Variants in RBFOX1 observed in about 807,000 individuals in gnomAD.
The protein encoded by RBFOX1 is RNA binding fox-1 homolog 1.
In RBFOX1, 8 loss-of-function variants were observed where a neutral mutation model predicts 57.7. That is an observed-to-expected ratio of 0.14 (90% CI 0.08 to 0.25). The LOEUF is 0.25. RBFOX1 is among the 10% of genes least tolerant of loss of function. RBFOX1 has a pLI of 1.00. For synonymous variants in RBFOX1, 326 were observed against 222.4 expected (o/e 1.47, Z -4.15); for missense variants, 611 against 548.5 (o/e 1.11, Z -1.14).
At chr16:7,630,483 T>A (rs1318661089) in intron 10 of RBFOX1, 120 bp from the exon 11 acceptor site, 2 of 1,533,016 alleles carry the variant, frequency 1.3e-6, no homozygotes, top group Admixed American at 2.0e-5. Flanking sequence ...ACCCTTGTCC[T>A]GCGCTCTGGG....
chr16:5,867,150 A>ATGCATGTG, intron 3 of RBFOX1, among the ~76,000 whole-genome samples: 1 of 149,318 alleles, frequency 6.7e-6, no homozygotes, highest in East Asian at 2.0e-4. Context: ...AAGAAAATGC[A>ATGCATGTG]TGTGTGTGTG....
intron 4 of RBFOX1, among the ~76,000 whole-genome samples, chr16:7,405,285 C>A (rs1191828030): frequency 2.0e-5 from 3 of 152,298 alleles, no homozygotes; most frequent in Non-Finnish European, 2.9e-5. Flanking sequence ...AGAGGCAGGG[C>A]CTCTCCTGGT....
At chr16:7,202,331 G>T (rs145855960) in intron 4 of RBFOX1, among the ~76,000 whole-genome samples, 81 of 150,714 alleles carry the variant, frequency 5.4e-4, no homozygotes, top group Non-Finnish European at 9.0e-4. Flanking sequence ...CAGAAAACAC[G>T]TGTTGATAAG....
intron 11 of RBFOX1, among the ~76,000 whole-genome samples, chr16:7,642,427 C>A (rs1030156558): frequency 6.6e-6 from 1 of 152,124 alleles, no homozygotes; most frequent in African/African-American, 2.4e-5. Flanking sequence ...AATGCATGTG[C>A]GTCGCGTACC....
chr16:5,739,416 G>A (rs1299668352), intron 3 of RBFOX1, among the ~76,000 whole-genome samples: 1 of 152,206 alleles, frequency 6.6e-6, no homozygotes, highest in Non-Finnish European at 1.5e-5. Flanking sequence ...CTTGTGTCTG[G>A]TAGGGGGAAA....
chr16:5,330,130 G>T (rs1351152450), intron 1 of RBFOX1, among the ~76,000 whole-genome samples: 1 of 152,088 alleles, frequency 6.6e-6, no homozygotes, highest in African/African-American at 2.4e-5. Flanking sequence ...TATTTCCTAG[G>T]GGCCACACCT....
chr16:5,613,009 T>C (rs531470364), intron 3 of RBFOX1, among the ~76,000 whole-genome samples: 3 of 152,240 alleles, frequency 2.0e-5, no homozygotes, highest in Non-Finnish European at 2.9e-5. Context: ...ATTTTACAGA[T>C]GACAAGACTG....
chr16:5,771,323 T>C lies in RBFOX1; in HGVS notation c.319-95980T>C, dbSNP rs941896001. ...GGAGGGAGTTAGGGTGAGGTCTACA[T>C]GTACCTGAGAAGTGAACTCTATTCT... On this transcript the variant is annotated intron_variant, in intron 3 of 19. Transcript: ENST00000641259. Among the ~76,000 whole-genome samples the C allele has an allele frequency of 7.2e-5, 11 of 152,348 alleles. No homozygotes were observed. The East Asian group carries it at 7.7e-4, about 11-fold the overall frequency.
Position 5,456,167 on chromosome 16 carries a change from C to G in RBFOX1, c.220-11049C>G, listed in dbSNP as rs565478183. Among the ~76,000 whole-genome samples the G allele has an allele frequency of 2.4e-4, 36 of 152,092 alleles. No individual in the cohort carries two copies. In the South Asian group the frequency reaches 7.3e-3, roughly 31 times the overall value. The stretch of plus-strand genomic sequence containing the variant: ...ATGCTATCTATAGTCAAAAAACTTA[C>G]AATACCTTAAGCCCATTTCTCCATG... On this transcript the variant is annotated intron_variant, in intron 1 of 2. Transcript: ENST00000585867.
At chr16:6,512,283 CAAAAAA>C (rs565248640) in intron 2 of RBFOX1, among the ~76,000 whole-genome samples, 1 of 86,962 alleles carries the variant, frequency 1.1e-5, no homozygotes, top group African/African-American at 5.0e-5. Context: ...GACCCTGTAT[CAAAAAA>C]AAAAAAAAAA....
chr16:7,271,316 C>T (rs975651421), intron 4 of RBFOX1, among the ~76,000 whole-genome samples: 3 of 151,584 alleles, frequency 2.0e-5, no homozygotes, highest in Admixed American at 6.6e-5. Flanking sequence ...AAAAGACGGG[C>T]CTGGGTTGCA....
chr16:6,309,399 T>C (rs773127725), intron 1 of RBFOX1, among the ~76,000 whole-genome samples: 33 of 152,142 alleles, frequency 2.2e-4, no homozygotes, highest in Non-Finnish European at 3.7e-4. Context: ...CAGTGCAAAT[T>C]AAAAGATCCG....
chr16:7,686,414 G>T (rs1396964342), intron 14 of RBFOX1, among the ~76,000 whole-genome samples: 1 of 151,940 alleles, frequency 6.6e-6, no homozygotes, highest in Admixed American at 6.6e-5. Context: ...ATCAGCTTAG[G>T]CCACCACACA....
At chr16:6,495,149 C>G (rs1011981754) in intron 2 of RBFOX1, among the ~76,000 whole-genome samples, 2 of 152,150 alleles carry the variant, frequency 1.3e-5, no homozygotes, top group East Asian at 3.9e-4. Context: ...GATGAACTTT[C>G]ACTCTTTCAC....
At chr16:7,044,063 C>G (rs1333104642) in intron 3 of RBFOX1, among the ~76,000 whole-genome samples, 4 of 152,176 alleles carry the variant, frequency 2.6e-5, no homozygotes, top group East Asian at 3.9e-4. Flanking sequence ...ATAGACTCAT[C>G]TTTTTCCCCA....
rs1437110647 is a variant in RBFOX1, at chr16:5,439,167, C to T, written c.220-28049C>T. On this transcript the variant is annotated intron_variant, in intron 1 of 2. Coordinates refer to the RBFOX1 transcript ENST00000585867. ...GCAAGCAGGGTGGGATAAGGCTTCA[C>T]CTGTGCAGCTGGGCCCTGGTGAGTC... 2.6e-5 allele frequency among the ~76,000 whole-genome samples: 4 copies of T among 151,974 alleles called. No individual in the cohort carries two copies. In the East Asian group the frequency reaches 7.7e-4, roughly 29 times the overall value.
intron 4 of RBFOX1, among the ~76,000 whole-genome samples, chr16:7,121,868 T>G (rs1307182096): frequency 1.3e-5 from 2 of 151,918 alleles, no homozygotes; most frequent in Non-Finnish European, 2.9e-5. Flanking sequence ...ACTCCAGAAA[T>G]AGACCCACAA....
chr16:6,895,625 G>T (rs1374843741), intron 3 of RBFOX1, among the ~76,000 whole-genome samples: 1 of 151,584 alleles, frequency 6.6e-6, no homozygotes, highest in Admixed American at 6.6e-5. Context: ...AAAAAATGGA[G>T]AGTCATAGAT....
At chr16:5,747,184 A>G (rs139804819) in intron 3 of RBFOX1, among the ~76,000 whole-genome samples, 22 of 152,318 alleles carry the variant, frequency 1.4e-4, no homozygotes, top group African/African-American at 5.3e-4. Context: ...GCTGGATTAC[A>G]TTTATTGATT....
Sources: gnomAD v4.1 joint callset for allele counts (sites outside exome capture counted in the v4.1 genomes callset) on GRCh38, gnomAD v4.1.1 for gene constraint, MANE v1.5 for transcripts, NCBI Gene and HGNC (gene_info 2026-07-23, HGNC 2026-07-21) for gene names.